ACOXL: variants seen among roughly 807,000 people sequenced by gnomAD.
The protein encoded by ACOXL is acyl-CoA oxidase like, also known as acyl-coenzyme A oxidase-like protein.
Under a neutral mutation model 71.9 loss-of-function variants are expected in ACOXL, and 70 were observed. That is an observed-to-expected ratio of 0.97 (90% CI 0.80 to 1.19). The LOEUF (loss-of-function observed/expected upper bound fraction) is 1.19, where lower values mean the gene tolerates loss of function less well. ACOXL is among the 50% of genes most tolerant of loss of function. The pLI is 0.00. For synonymous variants in ACOXL, 253 were observed against 281.6 expected (o/e 0.90, Z 1.02); for missense variants, 703 against 736.3 (o/e 0.95, Z 0.52).
At chr2:110,789,803 T>C (rs1337365841) in intron 3 of ACOXL, among the ~76,000 whole-genome samples, 1 of 152,226 alleles carries the variant, frequency 6.6e-6, no homozygotes, top group Non-Finnish European at 1.5e-5. Context: ...GGAAATTTGC[T>C]CTTGGAATTA....
intron 2 of ACOXL, among the ~76,000 whole-genome samples, chr2:110,770,614 C>G (rs1681778260): frequency 6.6e-6 from 1 of 152,190 alleles, no homozygotes; most frequent in Non-Finnish European, 1.5e-5. Context: ...GATTTTCAAG[C>G]TAGGAAATTG....
intron 9 of ACOXL, among the ~76,000 whole-genome samples, chr2:110,808,957 A>G (rs1284136488): frequency 2.0e-5 from 3 of 152,182 alleles, no homozygotes; most frequent in Non-Finnish European, 4.4e-5. Flanking sequence ...ATAGCAGACA[A>G]ACAGCAAATA....
chr2:110,922,395 T>A (rs989370648), intron 11 of ACOXL, among the ~76,000 whole-genome samples: 1 of 152,054 alleles, frequency 6.6e-6, no homozygotes, highest in South Asian at 2.1e-4. Flanking sequence ...AGTTTTTTTC[T>A]TTTTTTTCTT....
At chr2:110,749,413 A>T (rs1336062616) in intron 1 of ACOXL, among the ~76,000 whole-genome samples, 3 of 152,176 alleles carry the variant, frequency 2.0e-5, no homozygotes, top group African/African-American at 4.8e-5. Flanking sequence ...ACCATAGCAC[A>T]TTTGTCAAAA....
chr2:111,031,099 A>G (rs1176950658), intron 14 of ACOXL, among the ~76,000 whole-genome samples: 2 of 152,122 alleles, frequency 1.3e-5, no homozygotes. Flanking sequence ...CATCCCCATC[A>G]CTCTGGATCC....
At chr2:110,844,221 A>G (rs10185010) in intron 10 of ACOXL, among the ~76,000 whole-genome samples, 28,860 of 152,224 alleles carry the variant, frequency 0.19, 2,745 homozygotes, top group South Asian at 0.23. Context: ...GGAGCATGTG[A>G]CCTGCTCACG....
chr2:110,999,305 T>C (rs1218695149), intron 14 of ACOXL, among the ~76,000 whole-genome samples: 1 of 152,184 alleles, frequency 6.6e-6, no homozygotes, highest in African/African-American at 2.4e-5. Flanking sequence ...TACAGCTTCA[T>C]TTTAACTGAA....
chr2:110,815,980 G>A (rs912393294), intron 9 of ACOXL, among the ~76,000 whole-genome samples: 1 of 152,146 alleles, frequency 6.6e-6, no homozygotes, highest in African/African-American at 2.4e-5. Flanking sequence ...ATGGATGATG[G>A]GTGAGTGGAT....
At chr2:110,898,636 C>T (rs753503554) in intron 10 of ACOXL, among the ~76,000 whole-genome samples, 21 of 152,146 alleles carry the variant, frequency 1.4e-4, no homozygotes, top group African/African-American at 7.2e-5. Flanking sequence ...CAACATTACA[C>T]GTTATGGTAA....
intron 15 of ACOXL, among the ~76,000 whole-genome samples, chr2:111,042,561 A>G (rs935936714): frequency 1.3e-5 from 2 of 152,202 alleles, no homozygotes; most frequent in African/African-American, 4.8e-5. Flanking sequence ...AAGGGCTTGA[A>G]CAGGGAATGA....
intron 16 of ACOXL, among the ~76,000 whole-genome samples, chr2:111,067,916 C>A (rs2149911793): frequency 6.6e-6 from 1 of 152,212 alleles, no homozygotes; most frequent in African/African-American, 2.4e-5. Context: ...CATAAGAGGT[C>A]AGTGGCCAGG....
chr2:111,010,125 A>G (rs554158154), intron 14 of ACOXL, among the ~76,000 whole-genome samples: 2 of 152,286 alleles, frequency 1.3e-5, no homozygotes, highest in South Asian at 4.1e-4. Flanking sequence ...AAAATCATCA[A>G]GAGAAGAAGA....
At chr2:111,106,343 A>C (rs2150066757) in intron 17 of ACOXL, among the ~76,000 whole-genome samples, 1 of 152,090 alleles carries the variant, frequency 6.6e-6, no homozygotes, top group Non-Finnish European at 1.5e-5. Context: ...TGTACTTTTC[A>C]GTTCTATAAT....
chr2:110,742,536 G>A (rs1228798215), intron 1 of ACOXL, among the ~76,000 whole-genome samples: 2 of 152,174 alleles, frequency 1.3e-5, no homozygotes, highest in South Asian at 2.1e-4. Context: ...CCATTGGGTG[G>A]CAGAGCTCCT....
intron 15 of ACOXL, among the ~76,000 whole-genome samples, chr2:111,047,012 C>T (rs1022675326): frequency 2.6e-5 from 4 of 152,162 alleles, no homozygotes; most frequent in Non-Finnish European, 4.4e-5. Context: ...AGTGGCAGCA[C>T]TACTGTGGGA....
chr2:110,734,293 G>A (rs1396979285), intron 1 of ACOXL, among the ~76,000 whole-genome samples: 2 of 150,514 alleles, frequency 1.3e-5, no homozygotes, highest in Admixed American at 6.6e-5. Flanking sequence ...TTTTTGAGAC[G>A]GAGTCTGACT....
intron 1 of ACOXL, among the ~76,000 whole-genome samples, chr2:110,737,946 G>A (rs967334018): frequency 2.6e-5 from 4 of 152,188 alleles, no homozygotes; most frequent in Admixed American, 6.5e-5. Context: ...GGTTTGTGTC[G>A]CCTCCCCTTG....
At chr2:110,868,223 A>G (rs1032257877) in intron 10 of ACOXL, among the ~76,000 whole-genome samples, 18 of 152,232 alleles carry the variant, frequency 1.2e-4, no homozygotes, top group African/African-American at 4.3e-4. Flanking sequence ...GAACCACACT[A>G]TGAAGCGAGT....
In ACOXL at chr2:111,084,301, AC is replaced by A. The variant is rs1558951366; in HGVS notation, c.1441-8563del. Reference sequence around the variant, plus strand: ...CACACACACACACACACACACACACACACACACAAGAAGTGGAAGGATTGTG... The same window carrying A: ...CACACACACACACACACACACACACAACACACAAGAAGTGGAAGGATTGTG... On this transcript the variant is annotated intron_variant, in intron 16 of 17. Coordinates refer to ENST00000439055, the MANE Select transcript of ACOXL (RefSeq NM_001142807.4). Among the ~76,000 whole-genome samples the A allele has an allele frequency of 3.3e-4, 48 of 145,756 alleles. 1 individual carries two copies. The highest frequency in any genetic ancestry group is 1.0e-3 in the African/African-American group (40 of 38,866).
Sources: allele counts gnomAD v4.1 joint callset (sites outside exome capture counted in the v4.1 genomes callset), GRCh38; gene constraint gnomAD v4.1.1; transcripts MANE v1.5; gene names NCBI Gene and HGNC (gene_info 2026-07-23, HGNC 2026-07-21).